The following TMEM165 variants were observed in gnomAD, a reference collection of about 807,000 sequenced individuals.
The protein encoded by TMEM165 is putative divalent cation/proton antiporter TMEM165.
In TMEM165, 19 loss-of-function variants were observed where a neutral mutation model predicts 30.0. That is an observed-to-expected ratio of 0.63 (90% CI 0.44 to 0.93). The LOEUF is 0.93. Ranked by LOEUF, TMEM165 falls within the 40% of genes least tolerant of loss-of-function variation. The pLI, the probability that TMEM165 is intolerant of heterozygous loss-of-function variation, is 0.00. For synonymous variants in TMEM165, 168 were observed against 162.9 expected, an observed-to-expected ratio of 1.03 and a Z score of -0.24; for missense variants, 340 against 417.0, an observed-to-expected ratio of 0.82 and a Z score of 1.61.
Position 55,396,065 on chromosome 4 carries a change from C to G in TMEM165, c.-125C>G, listed in dbSNP as rs1411181306. 4 of 748,914 alleles carry G rather than the reference C, an allele frequency of 5.3e-6. No homozygotes were observed. The highest frequency in any genetic ancestry group is 7.5e-6 in the Non-Finnish European group (4 of 534,906). The allele number at this position is 748,914 out of a possible 1,614,324, so 46.4% of individuals were successfully genotyped here. A position where few individuals can be genotyped will look rare whatever the true frequency, so the allele number is the denominator to read the frequency against. Reference sequence around the variant, plus strand: ...GCTTGCACCTCCCGGATGGTGCTGACTGCTCCCTAAGCGGCGGCGGCGGCG... The same window carrying G: ...GCTTGCACCTCCCGGATGGTGCTGAGTGCTCCCTAAGCGGCGGCGGCGGCG... On this transcript the variant is annotated 5_prime_UTR_variant, in exon 1 of 6. Coordinates refer to ENST00000381334, the MANE Select transcript of TMEM165 (RefSeq NM_018475.5).
At chr4:55,438,082 G>A (rs1025073190) in intron 3 of TMEM165, among the ~76,000 whole-genome samples, 3 of 152,162 alleles carry the variant, frequency 2.0e-5, no homozygotes, top group Admixed American at 6.5e-5. Context: ...CCAATGGCAC[G>A]TCTAAAGTCT....
intron 2 of TMEM165, 82 bp downstream of exon 2, chr4:55,411,921 C>T (rs1290408804): frequency 1.5e-6 from 2 of 1,349,252 alleles, no homozygotes; most frequent in African/African-American, 2.9e-5. Flanking sequence ...GAGTCATTAA[C>T]CTAGTCTTAT....
At chr4:55,403,310 A>G (rs750895390) in intron 1 of TMEM165, 13 of 1,274,058 alleles carry the variant, frequency 1.0e-5, no homozygotes, top group African/African-American at 1.9e-5. Flanking sequence ...CTCTAGTTTC[A>G]TCATGTATAG....
At chr4:55,406,306 G>T (rs183627944) in intron 1 of TMEM165, among the ~76,000 whole-genome samples, 1 of 152,336 alleles carries the variant, frequency 6.6e-6, no homozygotes, top group East Asian at 1.9e-4. Flanking sequence ...ATAATGGTGT[G>T]AAAGTTAAAA....
At chr4:55,430,950 C>G (rs1400021393), downstream of TMEM165, 4 of 152,196 alleles carry the variant, frequency 2.6e-5, no homozygotes, top group Non-Finnish European at 5.9e-5. Context: ...ATCTTGAAAT[C>G]ACTCCCATAA....
At chr4:55,400,319 T>C (rs59972958) in intron 1 of TMEM165, among the ~76,000 whole-genome samples, 27,281 of 68,936 alleles carry the variant, frequency 0.4, 3,878 homozygotes, top group South Asian at 0.57. Context: ...ATATTAATAC[T>C]GTATTATATA....
At chr4:55,430,633 A>G (rs1722436097), downstream of TMEM165, 1 of 152,204 alleles carries the variant, frequency 6.6e-6, no homozygotes, top group Non-Finnish European at 1.5e-5. Context: ...AAATATTACA[A>G]GAGCAATTCA....
chr4:55,404,075 C>T (rs1193969410), intron 1 of TMEM165, among the ~76,000 whole-genome samples: 18 of 124,874 alleles, frequency 1.4e-4, no homozygotes, highest in Non-Finnish European at 2.5e-4. Context: ...CAGTGTCTTG[C>T]TCTGTTGCCC....
chr4:55,421,410 C>G (rs1024075651), intron 4 of TMEM165, among the ~76,000 whole-genome samples: 1 of 150,320 alleles, frequency 6.7e-6, no homozygotes, highest in Non-Finnish European at 1.5e-5. Context: ...AAGCCATCCT[C>G]CCACCTCAGC....
At chr4:55,452,915 G>A in exon 4 of TMEM165, 1 of 628,232 alleles carries the variant, frequency 1.6e-6, no homozygotes, top group Non-Finnish European at 2.7e-6. Context: ...TTAAAAATAA[G>A]TAGTAAAGTA....
intron 1 of TMEM165, among the ~76,000 whole-genome samples, chr4:55,402,419 A>G (rs1560387295): frequency 1.4e-4 from 11 of 77,448 alleles, no homozygotes; most frequent in East Asian, 9.6e-4. Context: ...ATATATATAT[A>G]TATATATATA....
Position 55,450,210 on chromosome 4 carries a change from T to G in TMEM165, c.409-2029T>G, listed in dbSNP as rs1428896776. On this transcript the variant is annotated intron_variant, in intron 3 of 3. Transcript: ENST00000608091. ...CTTGAGACTGACTGTGTTTATACGA[T>G]TATCTGACCCAGAATCTTGGCTCTA... 1.9e-6 allele frequency: 3 copies of G among 1,613,918 alleles called. No individual in the cohort carries two copies. Among genetic ancestry groups the G allele is most frequent in the Admixed American group, 3.3e-5 (2 of 59,994 alleles).
chr4:55,400,201 T>C (rs1279167238), intron 1 of TMEM165, among the ~76,000 whole-genome samples: 1 of 74,992 alleles, frequency 1.3e-5, no homozygotes. Flanking sequence ...TATAAATATA[T>C]AATTTATATT....
At chr4:55,443,690 A>C in intron 3 of TMEM165, 1 of 1,613,274 alleles carries the variant, frequency 6.2e-7, no homozygotes, top group Non-Finnish European at 8.5e-7. Flanking sequence ...ACATTACCTG[A>C]GTTGATGTAC....
intron 1 of TMEM165, 136 bp downstream of exon 1, chr4:55,396,532 G>T: frequency 2.8e-6 from 2 of 726,416 alleles, no homozygotes; most frequent in Non-Finnish European, 4.0e-6. Context: ...CCGGGGTGGA[G>T]GGCGGTCGGC....
intron 1 of TMEM165, among the ~76,000 whole-genome samples, chr4:55,400,296 AATATT>A (rs1485493225): frequency 9.7e-5 from 10 of 103,566 alleles, no homozygotes; most frequent in African/African-American, 4.0e-4. Flanking sequence ...TATTATATAT[AATATT>A]ATATATAATA....
chr4:55,448,601 C>CGCGCTT lies in TMEM165; in HGVS notation c.409-3637_409-3636insCGCTTG, dbSNP rs764071880. Reference sequence around the variant, plus strand: ...ATATATGTGCGCGCGCGCACGCGCGCGTGTGTGTGTGTGTGTGTGTGTGTG... The same window carrying CGCGCTT: ...ATATATGTGCGCGCGCGCACGCGCGCGCGCTTGTGTGTGTGTGTGTGTGTGTGTGTG... On this transcript the variant is annotated intron_variant, in intron 3 of 3. Coordinates refer to the TMEM165 transcript ENST00000608091. 3.4e-5 allele frequency among the ~76,000 whole-genome samples: 4 copies of CGCGCTT among 116,980 alleles called. No homozygotes were observed. In the Admixed American group the frequency reaches 3.4e-4, roughly 10 times the overall value. The allele number at this position is 116,980 out of a possible 152,430, so 76.7% of individuals were successfully genotyped here.
At chr4:55,402,848 G>C (rs182455827) in intron 1 of TMEM165, among the ~76,000 whole-genome samples, 323 of 119,720 alleles carry the variant, frequency 2.7e-3, no homozygotes, top group Non-Finnish European at 4.1e-3. Flanking sequence ...CTGGAGTGCA[G>C]TGGCGTGATC....
chr4:55,411,553 C>T (rs755156259), intron 1 of TMEM165, 61 bp from the exon 2 acceptor site: 572 of 1,421,810 alleles, frequency 4.0e-4, no homozygotes, highest in East Asian at 1.3e-3. Context: ...ATCTTATTTA[C>T]GTGCAAAATA....
Sources: gnomAD v4.1 joint callset for allele counts (sites outside exome capture counted in the v4.1 genomes callset) on GRCh38, gnomAD v4.1.1 for gene constraint, MANE v1.5 for transcripts, NCBI Gene and HGNC (gene_info 2026-07-23, HGNC 2026-07-21) for gene names.